TSEN2: variants seen among roughly 807,000 people sequenced by gnomAD.
The protein encoded by TSEN2 is tRNA splicing endonuclease subunit 2, also known as tRNA-splicing endonuclease subunit Sen2.
Under a neutral mutation model 59.2 loss-of-function variants are expected in TSEN2, and 54 were observed. The ratio of observed to expected loss-of-function variants is 0.91; its 90% CI spans 0.73 to 1.14. The LOEUF (loss-of-function observed/expected upper bound fraction) is 1.14. Ranked by LOEUF, TSEN2 falls within the 50% of genes most tolerant of loss-of-function variation. The pLI, the probability that TSEN2 is intolerant of heterozygous loss-of-function variation, is 0.00. For missense variants in TSEN2, 636 were observed against 576.2 expected, an observed-to-expected ratio of 1.10 and a Z score of -1.06; for synonymous variants, 195 against 198.2, an observed-to-expected ratio of 0.98 and a Z score of 0.14.
chr3:12,480,528 G>GGTTTTTTTTTTTTTTTTTTTT (rs1553565213), upstream of TSEN2, among the ~76,000 whole-genome samples: 37 of 91,752 alleles, frequency 4.0e-4, 2 homozygotes, highest in Admixed American at 7.8e-4. Flanking sequence ...TTGTTTCTTT[G>GGTTTTTTTTTTTTTTTTTTTT]TTTTTTTTTT....
At chr3:12,516,761 C>G (rs1481472480) in intron 7 of TSEN2, 100 bp downstream of exon 7, 4 of 1,190,304 alleles carry the variant, frequency 3.4e-6, no homozygotes, top group Non-Finnish European at 4.9e-6. Flanking sequence ...TGTTTCTACT[C>G]TTACTGAATA....
At chr3:12,539,486 C>T (rs2057760885) in exon 11 of TSEN2, 1 of 184,794 alleles carries the variant, frequency 5.4e-6, no homozygotes, top group Non-Finnish European at 1.1e-5. Context: ...CTCATTACTT[C>T]ATAACTTGTG....
chr3:12,496,143 A>G (rs1439196846), intron 3 of TSEN2, among the ~76,000 whole-genome samples: 3 of 152,244 alleles, frequency 2.0e-5, no homozygotes, highest in Admixed American at 2.0e-4. Context: ...TTCAGTGAAG[A>G]GGGAAGAATG....
At chr3:12,533,886 A>G (rs1355541704), downstream of TSEN2, among the ~76,000 whole-genome samples, 1 of 152,114 alleles carries the variant, frequency 6.6e-6, no homozygotes, top group African/African-American at 2.4e-5. Context: ...CGTGATAGCA[A>G]ACATTTGGAG....
At chr3:12,482,370 C>T (rs908863600), upstream of TSEN2, among the ~76,000 whole-genome samples, 6 of 152,224 alleles carry the variant, frequency 3.9e-5, no homozygotes, top group Non-Finnish European at 7.3e-5. Flanking sequence ...ATCCACCCGC[C>T]TCAGCCTCCC....
At position 12,519,326 on chromosome 3, in the gene TSEN2, T is replaced by A. The variant is rs1575412865; in HGVS notation, c.1099+129T>A. 1.1e-5 allele frequency: 15 copies of A among 1,347,914 alleles called. No individual in the cohort carries two copies. In the East Asian group the frequency reaches 3.4e-4, roughly 31 times the overall value. The allele number at this position is 1,347,914 out of a possible 1,614,324, so 83.5% of individuals were successfully genotyped here. On this transcript the variant is annotated intron_variant, in intron 8 of 11. Transcript: ENST00000284995. ...GGTATCCTTTGGGTTTAGATAAGAT[T>A]ATTGGATATTTGGATTGGGTTAAGG...
At chr3:12,486,017 CTT>C (rs2052578338) in intron 1 of TSEN2, among the ~76,000 whole-genome samples, 1 of 152,148 alleles carries the variant, frequency 6.6e-6, no homozygotes, top group African/African-American at 2.4e-5. Context: ...CTAGAGAAGA[CTT>C]AAAGTAGATG....
chr3:12,483,205 G>A (rs997180034), upstream of TSEN2, among the ~76,000 whole-genome samples: 1 of 152,164 alleles, frequency 6.6e-6, no homozygotes, highest in Non-Finnish European at 1.5e-5. Context: ...GTGAAACCCC[G>A]TTTCTACTAA....
chr3:12,519,975 G>A (rs1248961978), intron 8 of TSEN2, among the ~76,000 whole-genome samples: 6 of 151,840 alleles, frequency 4.0e-5, no homozygotes, highest in Non-Finnish European at 8.8e-5. Context: ...CCTTACAGTA[G>A]TCCTATGCAG....
chr3:12,525,279 A>G (rs1266764129), intron 8 of TSEN2, among the ~76,000 whole-genome samples: 1 of 152,158 alleles, frequency 6.6e-6, no homozygotes, highest in Non-Finnish European at 1.5e-5. Context: ...GATGGTGGCC[A>G]TTGTCAATGT....
intron 4 of TSEN2, among the ~76,000 whole-genome samples, chr3:12,499,222 G>A (rs1324108315): frequency 6.6e-6 from 1 of 152,168 alleles, no homozygotes; most frequent in Non-Finnish European, 1.5e-5. Context: ...TGATGCCTTT[G>A]GGGAACTGAC....
At position 12,502,591 on chromosome 3, in the gene TSEN2, T is replaced by C. The variant is rs1481968890; in HGVS notation, c.309-671T>C. On this transcript the variant is annotated intron_variant, in intron 4 of 11. Coordinates refer to ENST00000284995, the MANE Select transcript of TSEN2 (RefSeq NM_025265.4). ...ATCTTGATAAAGGATGGCCATTTTC[T>C]TGTTTATTTACCTAAATCACTTAAT... 3.3e-5 allele frequency among the ~76,000 whole-genome samples: 5 copies of C among 152,082 alleles called. 1 individual carries two copies.
upstream of TSEN2, among the ~76,000 whole-genome samples, chr3:12,480,473 A>AT (rs1409718637): frequency 8.5e-6 from 1 of 118,292 alleles, no homozygotes; most frequent in African/African-American, 3.3e-5. Flanking sequence ...ACTGTTGGTT[A>AT]TTTTTTATAT....
intron 7 of TSEN2, among the ~76,000 whole-genome samples, chr3:12,518,630 G>A (rs748608198): frequency 1.6e-4 from 24 of 151,696 alleles, no homozygotes; most frequent in Non-Finnish European, 3.4e-4. Context: ...AAAAGCAGGT[G>A]GTATTTTAAT....
chr3:12,493,794 C>G (rs1480343695), intron 3 of TSEN2, among the ~76,000 whole-genome samples: 1 of 152,144 alleles, frequency 6.6e-6, no homozygotes, highest in Non-Finnish European at 1.5e-5. Flanking sequence ...AAATAGTCAT[C>G]CTAATGAGTA....
intron 4 of TSEN2, among the ~76,000 whole-genome samples, 182 bp from the exon 5 acceptor site, chr3:12,503,077 TAAA>T (rs1289656091): frequency 6.6e-6 from 1 of 151,480 alleles, no homozygotes; most frequent in Non-Finnish European, 1.5e-5. Flanking sequence ...CTCAAAAAAA[TAAA>T]AAAAGAAAGA....
chr3:12,496,477 T>C, intron 3 of TSEN2, 41 bp from the exon 4 acceptor site: 1 of 1,606,464 alleles, frequency 6.2e-7, no homozygotes. Flanking sequence ...GTTCCCCTTA[T>C]GGGAAATTTG....
At chr3:12,498,070 C>CTT (rs74552914) in intron 4 of TSEN2, among the ~76,000 whole-genome samples, 1 of 142,430 alleles carries the variant, frequency 7.0e-6, no homozygotes. Context: ...AAATTTTCCT[C>CTT]TTTTTTTTTT....
At chr3:12,502,635 A>G (rs948225634) in intron 4 of TSEN2, among the ~76,000 whole-genome samples, 1 of 150,012 alleles carries the variant, frequency 6.7e-6, no homozygotes, top group African/African-American at 2.4e-5. Flanking sequence ...TTTAAATTAG[A>G]TAAATTTTCA....
Sources: allele counts gnomAD v4.1 joint callset (sites outside exome capture counted in the v4.1 genomes callset), GRCh38; gene constraint gnomAD v4.1.1; transcripts MANE v1.5; gene names NCBI Gene and HGNC (gene_info 2026-07-23, HGNC 2026-07-21).